The following PUM3 variants were observed in gnomAD, a reference collection of about 807,000 sequenced individuals.
PUM3 encodes the protein pumilio homolog 3.
A neutral mutation model predicts 84.0 loss-of-function variants in PUM3; 91 were observed. The ratio of observed to expected loss-of-function variants is 1.08; its 90% confidence interval spans 0.91 to 1.29. The LOEUF is 1.29. Ranked by LOEUF, PUM3 falls within the 50% of genes most tolerant of loss-of-function variation. The pLI, the probability that PUM3 is intolerant of heterozygous loss-of-function variation, is 0.00. For missense variants in PUM3, 1,067 were observed against 767.5 expected (o/e 1.39, Z -4.61); for synonymous variants, 321 against 266.7 (o/e 1.20, Z -1.98).
intron 13 of PUM3, among the ~76,000 whole-genome samples, chr9:2,814,504 C>G (rs889675487): frequency 1.1e-4 from 17 of 152,182 alleles, no homozygotes; most frequent in Non-Finnish European, 2.2e-4. Context: ...AGCCACCACA[C>G]CAGGCCAATC....
At chr9:2,813,940 G>C (rs1166256154) in intron 13 of PUM3, among the ~76,000 whole-genome samples, 2 of 151,786 alleles carry the variant, frequency 1.3e-5, no homozygotes, top group East Asian at 1.9e-4. Flanking sequence ...ACTATGTCCT[G>C]TTTCTACCAG....
chr9:2,842,601 C>T (rs1360766568), intron 1 of PUM3, among the ~76,000 whole-genome samples: 1 of 152,122 alleles, frequency 6.6e-6, no homozygotes, highest in African/African-American at 2.4e-5. Flanking sequence ...AATCTTTGCC[C>T]TAGGGAACTT....
At position 2,834,011 on chromosome 9, in the gene PUM3, G is replaced by T; in HGVS notation, c.440+20C>A. On this transcript the variant is annotated intron_variant, in intron 4 of 17. Coordinates refer to ENST00000397885, the MANE Select transcript of PUM3 (RefSeq NM_014878.5). ...CACTGTTGCAAAGGGACTAACAAAG[G>T]CATCTTTAGGTAGAATTACCTTCTT... 6.2e-7 allele frequency: 1 copy of T among 1,609,712 alleles called. No individual in the cohort carries two copies. Among genetic ancestry groups the T allele is most frequent in the South Asian group, 1.1e-5 (1 of 90,350 alleles).
intron 1 of PUM3, among the ~76,000 whole-genome samples, chr9:2,843,786 G>T (rs1357774018): frequency 6.6e-6 from 1 of 151,882 alleles, no homozygotes; most frequent in South Asian, 2.1e-4. Flanking sequence ...CACCGTGTTA[G>T]CCAGGATGGT....
intron 7 of PUM3, 74 bp from the exon 8 acceptor site, chr9:2,830,022 T>G: frequency 7.4e-7 from 1 of 1,350,046 alleles, no homozygotes; most frequent in Non-Finnish European, 1.0e-6. Flanking sequence ...ACAACTTACT[T>G]CTCCCAAGAC....
intron 16 of PUM3, 189 bp from the exon 17 acceptor site, chr9:2,808,093 A>G (rs1435115728): frequency 3.7e-6 from 2 of 537,882 alleles, no homozygotes; most frequent in African/African-American, 1.9e-5. Context: ...TAAAAGAGCC[A>G]TTTCTTTTAA....
Position 2,834,148 on chromosome 9 carries a change from G to A in PUM3, c.323C>T (p.Pro108Leu), listed in dbSNP as rs766986084. 3.7e-6 allele frequency: 6 copies of A among 1,611,608 alleles called. No individual in the cohort carries two copies. The African/African-American group carries it at 4.0e-5, about 11-fold the overall frequency. Residue 108 changes from proline to leucine, a missense_variant, in exon 4 of 18, where the codon CCC becomes CTC. Pro to Leu is a moderately conservative substitution (Grantham distance 98). Coordinates refer to ENST00000397885, the MANE Select transcript of PUM3 (RefSeq NM_014878.5). ...GRSDESAAKK[P>L]KWDDFKKKKK... Reference sequence around the variant, plus strand: ...CTTCTTTTTGAAGTCATCCCATTTGGGCTTCTTGGCTGCTGATTCTAGTTA... The same window carrying A: ...CTTCTTTTTGAAGTCATCCCATTTGAGCTTCTTGGCTGCTGATTCTAGTTA...
At position 2,838,076 on chromosome 9, in the gene PUM3, T is replaced by C. The variant is rs528540850; in HGVS notation, c.82+350A>G. ...TGGAATAATAAAGACATCACCATTA[T>C]AAATTCTGAACCTAAACGTATTTGG... On this transcript the variant is annotated intron_variant, in intron 2 of 17. Transcript: ENST00000397885. 3.3e-5 allele frequency among the ~76,000 whole-genome samples: 5 copies of C among 152,310 alleles called. No individual in the cohort carries two copies. In the South Asian group the frequency reaches 1.0e-3, roughly 32 times the overall value.
At chr9:2,821,352 G>A (rs770739108) in intron 12 of PUM3, among the ~76,000 whole-genome samples, 7 of 149,656 alleles carry the variant, frequency 4.7e-5, no homozygotes, top group Non-Finnish European at 7.4e-5. Flanking sequence ...GCTGAGGCAG[G>A]AGAATGGCGT....
Position 2,804,306 on chromosome 9 carries a change from C to G in PUM3, c.*25G>C. The G allele has an allele frequency of 6.2e-7, 1 of 1,604,232 alleles. No homozygotes were observed. Among genetic ancestry groups the G allele is most frequent in the East Asian group, 2.2e-5 (1 of 44,742 alleles). ...AGAACAGAGAACAGAAAAAATCATT[C>G]CATCTTGCTCTTAACTCTTTCCACC... On this transcript the variant is annotated 3_prime_UTR_variant, in exon 18 of 18. Transcript: ENST00000397885.
chr9:2,828,709 C>A lies in PUM3; in HGVS notation c.922G>T (p.Glu308Ter). 1 of 1,607,644 alleles carries A rather than the reference C, an allele frequency of 6.2e-7. No homozygotes were observed. Among genetic ancestry groups the A allele is most frequent in the Non-Finnish European group, 8.5e-7 (1 of 1,174,282 alleles). Residue 308 changes from glutamate (E) to a stop codon, truncating the protein, a stop_gained, in exon 9 of 18, where the codon GAA becomes TAA. Transcript: ENST00000397885. LOFTEE classifies it high-confidence loss of function. Reference protein sequence around the residue: ...QPEKLELIMDEMKQILTPMAQ... With the variant: ...QPEKLELIMD The stretch of plus-strand genomic sequence containing the variant: ...ATTGGAGTTAGAATCTGTTTCATTT[C>A]ATCCATAATAAGTTCTAATTTTTCT...
At chr9:2,817,380 G>T (rs189630623) in intron 13 of PUM3, among the ~76,000 whole-genome samples, 2,002 of 152,168 alleles carry the variant, frequency 0.013, 21 homozygotes, top group Non-Finnish European at 0.019. Flanking sequence ...TTTCAAAAGG[G>T]TTTTAAAAAA....
chr9:2,830,032 C>A (rs1430139311), intron 7 of PUM3, 84 bp from the exon 8 acceptor site: 3 of 1,205,700 alleles, frequency 2.5e-6, no homozygotes, highest in Non-Finnish European at 3.6e-6. Flanking sequence ...TCTCCCAAGA[C>A]CAACTCATCA....
At chr9:2,842,983 T>A (rs1324787085) in intron 1 of PUM3, among the ~76,000 whole-genome samples, 2 of 152,152 alleles carry the variant, frequency 1.3e-5, no homozygotes, top group African/African-American at 2.4e-5. Context: ...ATAAGTTAGT[T>A]CTCTTAAATG....
chr9:2,823,746 A>G, intron 12 of PUM3, 35 bp downstream of exon 12: 6 of 1,018,002 alleles, frequency 5.9e-6, no homozygotes, highest in Non-Finnish European at 8.6e-6. Context: ...CTTACTATCA[A>G]AAATAATTAG....
intron 1 of PUM3, among the ~76,000 whole-genome samples, chr9:2,841,063 C>T (rs1376797501): frequency 2.6e-5 from 4 of 152,178 alleles, no homozygotes; most frequent in African/African-American, 4.8e-5. Context: ...TAATCAAGCA[C>T]CACATATTTT....
intron 7 of PUM3, among the ~76,000 whole-genome samples, chr9:2,830,526 A>T (rs1815948194): frequency 6.6e-6 from 1 of 152,176 alleles, no homozygotes; most frequent in Non-Finnish European, 1.5e-5. Flanking sequence ...TTATAAGTTA[A>T]TTATTCTATT....
chr9:2,808,034 C>G (rs960448772), intron 16 of PUM3, 130 bp from the exon 17 acceptor site: 2 of 621,044 alleles, frequency 3.2e-6, no homozygotes, highest in Admixed American at 3.0e-5. Context: ...TTCACCCAAT[C>G]TCCCTTTTAA....
intron 9 of PUM3, chr9:2,828,458 G>A (rs912114071): frequency 9.0e-6 from 4 of 444,914 alleles, no homozygotes; most frequent in East Asian, 4.0e-5. Flanking sequence ...CATAAATCAC[G>A]AATGCATGTT....
Sources: gnomAD v4.1 joint callset for allele counts (sites outside exome capture counted in the v4.1 genomes callset) on GRCh38, gnomAD v4.1.1 for gene constraint, MANE v1.5 for transcripts, NCBI Gene and HGNC (gene_info 2026-07-23, HGNC 2026-07-21) for gene names.